Variants in HPSE2 observed in about 807,000 individuals in gnomAD.
HPSE2 encodes inactive heparanase-2.
HPSE2 carries 38 observed loss-of-function variants against 60.5 expected under a neutral mutation model. The ratio of observed to expected loss-of-function variants is 0.63; its 90% CI spans 0.48 to 0.82. The LOEUF (loss-of-function observed/expected upper bound fraction) is 0.82, where lower values mean the gene tolerates loss of function less well. Among genes scored for constraint, HPSE2 ranks in the 40% least tolerant of loss-of-function variants. The pLI, the probability that HPSE2 is intolerant of heterozygous loss-of-function variation, is 0.00. For synonymous variants in HPSE2, 295 were observed against 293.2 expected (o/e 1.01, Z -0.06); for missense variants, 713 against 740.4 (o/e 0.96, Z 0.43).
chr10:98,593,124 T>G (rs1945135453), intron 9 of HPSE2, among the ~76,000 whole-genome samples: 1 of 152,216 alleles, frequency 6.6e-6, no homozygotes, highest in African/African-American at 2.4e-5. Context: ...TGCCTTCAAT[T>G]TGCTCATTGT....
At chr10:98,981,853 A>G (rs1253738775) in intron 3 of HPSE2, among the ~76,000 whole-genome samples, 1 of 151,922 alleles carries the variant, frequency 6.6e-6, no homozygotes, top group East Asian at 1.9e-4. Context: ...ATTCTTTCCC[A>G]TTTCCCTAAT....
intron 9 of HPSE2, among the ~76,000 whole-genome samples, chr10:98,592,385 G>A (rs1260039624): frequency 6.6e-6 from 1 of 152,096 alleles, no homozygotes; most frequent in Admixed American, 6.5e-5. Context: ...TATAGTTTAC[G>A]TAACTTTATT....
chr10:98,470,758 A>T (rs1940745456), intron 11 of HPSE2, among the ~76,000 whole-genome samples: 1 of 152,216 alleles, frequency 6.6e-6, no homozygotes, highest in African/African-American at 2.4e-5. Context: ...GACAGAATGG[A>T]AATCCCTGCC....
intron 3 of HPSE2, among the ~76,000 whole-genome samples, chr10:99,022,782 C>T (rs1439305323): frequency 2.6e-5 from 4 of 152,076 alleles, no homozygotes; most frequent in Non-Finnish European, 5.9e-5. Context: ...AAATACCCAG[C>T]CCTGGCAGCA....
At chr10:99,123,962 T>A (rs1427533274) in intron 3 of HPSE2, among the ~76,000 whole-genome samples, 1 of 150,774 alleles carries the variant, frequency 6.6e-6, no homozygotes, top group Non-Finnish European at 1.5e-5. Flanking sequence ...GAGTGTGCAG[T>A]TCTCAGCAGA....
chr10:98,600,801 C>CAT lies in HPSE2; in HGVS notation c.1320+14102_1320+14103insAT, dbSNP rs1437512111. Among the ~76,000 whole-genome samples the CAT allele has an allele frequency of 1.4e-4, 6 of 41,800 alleles. No individual in the cohort carries two copies. In the East Asian group the frequency reaches 8.3e-3, roughly 58 times the overall value. The allele number at this position is 41,800 out of a possible 152,430, so 27.4% of individuals were successfully genotyped here. A position where few individuals can be genotyped will look rare whatever the true frequency, so the allele number is the denominator to read the frequency against. On this transcript the variant is annotated intron_variant, in intron 9 of 11. Coordinates refer to ENST00000370552, the MANE Select transcript of HPSE2 (RefSeq NM_021828.5). ...ATACATAAACATGTATGTATATATA[C>CAT]ACGTGTGTGCGTGTGTGTGTAGATA... is the stretch of plus-strand genomic sequence containing the variant.
chr10:98,730,505 T>C (rs892631684), intron 4 of HPSE2, among the ~76,000 whole-genome samples: 5 of 150,896 alleles, frequency 3.3e-5, no homozygotes, highest in Non-Finnish European at 3.0e-5. Context: ...ATTTTTAAAA[T>C]AGAGAAAATA....
chr10:98,843,698 T>C (rs556695271), intron 3 of HPSE2, among the ~76,000 whole-genome samples: 1 of 152,272 alleles, frequency 6.6e-6, no homozygotes, highest in South Asian at 2.1e-4. Context: ...AACCAGCATT[T>C]TACAACAAAT....
rs138470929 is a variant in HPSE2, at chr10:99,085,800, A to C, written c.610+58438T>G. On this transcript the variant is annotated intron_variant, in intron 3 of 11. Coordinates refer to ENST00000370552, the MANE Select transcript of HPSE2 (RefSeq NM_021828.5). ...CCTCAGTTTAGCATTCAAAGGTCAA[A>C]GGTTGGCCTCAACTATTTTATCTCC... Among the ~76,000 whole-genome samples the C allele has an allele frequency of 2.4e-4, 36 of 152,302 alleles. No homozygotes were observed. The East Asian group carries it at 6.6e-3, about 28-fold the overall frequency.
At chr10:98,587,244 T>TG (rs1383754423) in intron 9 of HPSE2, among the ~76,000 whole-genome samples, 1 of 152,196 alleles carries the variant, frequency 6.6e-6, no homozygotes, top group Non-Finnish European at 1.5e-5. Context: ...CATTGTTTAG[T>TG]GAGTTTTTCA....
chr10:99,308,379 C>CAAAAAAAAAAAAAA, the HPSE2 span, among the ~76,000 whole-genome samples: 96 of 28,102 alleles, frequency 3.4e-3, 10 homozygotes, highest in African/African-American at 7.8e-3. Flanking sequence ...GACTCTGTCT[C>CAAAAAAAAAAAAAA]AAAAAAAAAA....
chr10:99,182,527 T>C (rs1376128015), intron 2 of HPSE2, among the ~76,000 whole-genome samples: 2 of 152,144 alleles, frequency 1.3e-5, no homozygotes, highest in African/African-American at 2.4e-5. Context: ...GATATTCAAA[T>C]ATAAAAAGAT....
At chr10:98,670,108 C>T (rs920099929) in intron 6 of HPSE2, among the ~76,000 whole-genome samples, 2 of 152,120 alleles carry the variant, frequency 1.3e-5, no homozygotes, top group African/African-American at 4.8e-5. Context: ...TCAAGGAACA[C>T]GAGGTATGCC....
chr10:99,148,151 G>A (rs1328158708), intron 2 of HPSE2, among the ~76,000 whole-genome samples: 3 of 152,136 alleles, frequency 2.0e-5, no homozygotes, highest in African/African-American at 7.2e-5. Flanking sequence ...ACACAGCTGT[G>A]CTACATTCCT....
the HPSE2 span, among the ~76,000 whole-genome samples, chr10:99,305,979 G>GCACGCACACACACACA: frequency 3.1e-3 from 250 of 80,580 alleles, 5 homozygotes; most frequent in African/African-American, 0.013. Flanking sequence ...GCGCGCGCGC[G>GCACGCACACACACACA]CACACACACA....
intron 9 of HPSE2, among the ~76,000 whole-genome samples, chr10:98,540,312 G>A (rs1243950636): frequency 6.6e-6 from 1 of 152,064 alleles, no homozygotes; most frequent in Non-Finnish European, 1.5e-5. Flanking sequence ...CTTTCTCTTG[G>A]GCATGAAAAT....
At chr10:99,171,268 C>A (rs1244923689) in intron 2 of HPSE2, among the ~76,000 whole-genome samples, 1 of 152,174 alleles carries the variant, frequency 6.6e-6, no homozygotes, top group South Asian at 2.1e-4. Context: ...CATTTTAAAC[C>A]ACACTTGGTG....
At chr10:99,280,054 G>T in the HPSE2 span, among the ~76,000 whole-genome samples, 1 of 152,192 alleles carries the variant, frequency 6.6e-6, no homozygotes, top group Admixed American at 6.5e-5. Context: ...AGGAGAGCTG[G>T]GTTCTTCACT....
intron 9 of HPSE2, among the ~76,000 whole-genome samples, chr10:98,598,777 G>T (rs1346894210): frequency 6.6e-6 from 1 of 152,036 alleles, no homozygotes; most frequent in Admixed American, 6.5e-5. Context: ...CATCAGGACT[G>T]GCCTGGATCC....
Sources: allele counts gnomAD v4.1 joint callset (sites outside exome capture counted in the v4.1 genomes callset), GRCh38; gene constraint gnomAD v4.1.1; transcripts MANE v1.5; gene names NCBI Gene and HGNC (gene_info 2026-07-23, HGNC 2026-07-21).